NKAIN2: variants seen among roughly 807,000 people sequenced by gnomAD.
NKAIN2 encodes sodium/potassium transporting ATPase interacting 2.
Under a neutral mutation model 32.6 loss-of-function variants are expected in NKAIN2, and 14 were observed. The observed-to-expected ratio is 0.43, with a 90% CI of 0.28 to 0.67. NKAIN2 has a LOEUF of 0.67. Ranked by LOEUF, NKAIN2 falls within the 30% of genes least tolerant of loss-of-function variation. The pLI is 0.17. For missense variants in NKAIN2, 198 were observed against 258.3 expected, an observed-to-expected ratio of 0.77 and a Z score of 1.60; for synonymous variants, 80 against 87.2, an observed-to-expected ratio of 0.92 and a Z score of 0.46.
intron 1 of NKAIN2, among the ~76,000 whole-genome samples, chr6:123,836,722 T>C (rs1774642206): frequency 6.6e-6 from 1 of 152,084 alleles, no homozygotes; most frequent in Admixed American, 6.5e-5. Flanking sequence ...AATGTACTAA[T>C]GTTAATTGTT....
At chr6:123,913,544 G>T (rs960345297) in intron 1 of NKAIN2, among the ~76,000 whole-genome samples, 1 of 152,108 alleles carries the variant, frequency 6.6e-6, no homozygotes, top group Admixed American at 6.6e-5. Flanking sequence ...TTATTACCTA[G>T]ATGTATTGTG....
At chr6:123,901,970 A>G (rs538251916) in intron 1 of NKAIN2, among the ~76,000 whole-genome samples, 2 of 152,278 alleles carry the variant, frequency 1.3e-5, no homozygotes, top group African/African-American at 4.8e-5. Flanking sequence ...AGTTATGTAA[A>G]ATAAAGTTTT....
At position 124,513,121 on chromosome 6, in the gene NKAIN2, C is replaced by T. The variant is rs193093303; in HGVS notation, c.274-145065C>T. Among the ~76,000 whole-genome samples, 124 of 152,222 alleles carry T rather than the reference C, an allele frequency of 8.1e-4. 1 individual carries two copies. The highest frequency in any genetic ancestry group is 3.4e-3 in the Middle Eastern group (1 of 294). ...TCTTTACTGTGGTACTGAGGCCACA[C>T]GGACTCCTTTTCATCAACAACCAAA... On this transcript the variant is annotated intron_variant, in intron 3 of 6. Transcript: ENST00000368417.
chr6:124,186,624 A>G (rs1335009928), intron 1 of NKAIN2, among the ~76,000 whole-genome samples: 1 of 152,222 alleles, frequency 6.6e-6, no homozygotes. Flanking sequence ...ACCTGTGTCT[A>G]GGAAATCTAT....
intron 1 of NKAIN2, among the ~76,000 whole-genome samples, chr6:124,096,508 T>G (rs2114938428): frequency 6.6e-6 from 1 of 152,310 alleles, no homozygotes; most frequent in East Asian, 1.9e-4. Flanking sequence ...CTGAAAATCC[T>G]TCTTATCGTT....
chr6:124,111,549 A>G (rs1354967604), intron 1 of NKAIN2, among the ~76,000 whole-genome samples: 1 of 151,944 alleles, frequency 6.6e-6, no homozygotes, highest in Non-Finnish European at 1.5e-5. Context: ...AATATATGGG[A>G]TATCATTTTC....
chr6:124,824,887 T>C lies in NKAIN2; in HGVS notation c.*1658T>C, dbSNP rs902038429. ...GATGTCTGTAATATACACACACATA[T>C]ACATTTGAAAATGATAGAGGAACAA... On this transcript the variant is annotated 3_prime_UTR_variant, in exon 7 of 7. Coordinates refer to ENST00000368417, the MANE Select transcript of NKAIN2 (RefSeq NM_001040214.3). 1.4e-4 allele frequency: 22 copies of C among 152,486 alleles called. No homozygotes were observed. The highest frequency in any genetic ancestry group is 1.2e-3 in the Admixed American group (19 of 15,300). 9.4% of individuals were successfully genotyped at this position (152,486 alleles called of 1,614,324 possible). A position where few individuals can be genotyped will look rare whatever the true frequency, so the allele number is the denominator to read the frequency against.
chr6:124,518,515 A>AG (rs1779007575), intron 3 of NKAIN2, among the ~76,000 whole-genome samples: 1 of 152,086 alleles, frequency 6.6e-6, no homozygotes, highest in South Asian at 2.1e-4. Flanking sequence ...AAGGTGAAGC[A>AG]GGAGGAATCA....
At chr6:124,148,460 A>C (rs1369523534) in intron 1 of NKAIN2, among the ~76,000 whole-genome samples, 1 of 151,832 alleles carries the variant, frequency 6.6e-6, no homozygotes. Flanking sequence ...GTCTCTTTAC[A>C]TTTGCCTATC....
At chr6:124,670,341 A>G (rs1773036223) in intron 4 of NKAIN2, among the ~76,000 whole-genome samples, 1 of 152,084 alleles carries the variant, frequency 6.6e-6, no homozygotes, top group Non-Finnish European at 1.5e-5. Context: ...CTCTGTACAG[A>G]TGAGTTCATA....
intron 1 of NKAIN2, among the ~76,000 whole-genome samples, chr6:123,812,163 C>A (rs903013874): frequency 2.0e-5 from 3 of 152,090 alleles, no homozygotes; most frequent in Non-Finnish European, 4.4e-5. Context: ...AGAGTGCTTG[C>A]AGTGAACCAA....
Position 124,273,802 on chromosome 6 carries a change from C to G in NKAIN2, c.55-9203C>G, listed in dbSNP as rs539755803. 2.0e-5 allele frequency among the ~76,000 whole-genome samples: 3 copies of G among 152,268 alleles called. No homozygotes were observed. The South Asian group carries it at 6.2e-4, about 32-fold the overall frequency. On this transcript the variant is annotated intron_variant, in intron 1 of 6. Transcript: ENST00000368417. The stretch of plus-strand genomic sequence containing the variant: ...TTTGTGTGTTAGCTTGACCTTGTAT[C>G]AGTTGAGACTCCTTTGTGAAGATAT...
chr6:124,207,201 A>T (rs890211331), intron 1 of NKAIN2, among the ~76,000 whole-genome samples: 30 of 151,580 alleles, frequency 2.0e-4, no homozygotes, highest in African/African-American at 7.0e-4. Flanking sequence ...CTGAGGTGGG[A>T]GGATAACTTG....
At chr6:124,183,182 A>G (rs1789535802) in intron 1 of NKAIN2, among the ~76,000 whole-genome samples, 1 of 152,126 alleles carries the variant, frequency 6.6e-6, no homozygotes, top group African/African-American at 2.4e-5. Flanking sequence ...AGGTCTCAAC[A>G]TAAAAGAGGC....
At chr6:124,658,836 G>T (rs1784638220) in intron 4 of NKAIN2, 1 of 190,660 alleles carries the variant, frequency 5.2e-6, no homozygotes. Context: ...TTCCTTCCTA[G>T]ATTTCTCCCA....
At chr6:124,342,654 C>A (rs953777470) in intron 2 of NKAIN2, among the ~76,000 whole-genome samples, 1 of 151,584 alleles carries the variant, frequency 6.6e-6, no homozygotes, top group Non-Finnish European at 1.5e-5. Context: ...ATTACAGGAA[C>A]ATGCCACCAT....
At chr6:123,874,910 T>TAC (rs777879321) in intron 1 of NKAIN2, among the ~76,000 whole-genome samples, 4 of 149,176 alleles carry the variant, frequency 2.7e-5, no homozygotes, top group South Asian at 2.1e-4. Flanking sequence ...CATACATACA[T>TAC]ATATATATGT....
chr6:123,863,919 G>T (rs928398244), intron 1 of NKAIN2, among the ~76,000 whole-genome samples: 1 of 152,008 alleles, frequency 6.6e-6, no homozygotes, highest in African/African-American at 2.4e-5. Context: ...GTCATGGAAG[G>T]TATACTTAAT....
intron 1 of NKAIN2, among the ~76,000 whole-genome samples, chr6:123,951,820 T>G (rs1469259412): frequency 6.6e-6 from 1 of 151,970 alleles, no homozygotes; most frequent in East Asian, 1.9e-4. Flanking sequence ...TGTAAGGTTT[T>G]ATTCCTATAC....
Sources: allele counts gnomAD v4.1 joint callset (sites outside exome capture counted in the v4.1 genomes callset), GRCh38; gene constraint gnomAD v4.1.1; transcripts MANE v1.5; gene names NCBI Gene and HGNC (gene_info 2026-07-23, HGNC 2026-07-21).